The following CACNG1 variants were observed in gnomAD, a reference collection of about 807,000 sequenced individuals.
CACNG1 encodes voltage-dependent calcium channel gamma-1 subunit.
CACNG1 carries 21 observed loss-of-function variants against 22.0 expected under a neutral mutation model. The ratio of observed to expected loss-of-function variants is 0.95; its 90% CI spans 0.68 to 1.37. The LOEUF (loss-of-function observed/expected upper bound fraction) is 1.37, where lower values mean the gene tolerates loss of function less well. Among genes scored for constraint, CACNG1 ranks in the 40% most tolerant of loss-of-function variants. The probability of loss-of-function intolerance (pLI) is 0.00; values close to 1 mark genes in which losing one functional copy is unlikely to be tolerated. For missense variants in CACNG1, 291 were observed against 308.6 expected (o/e 0.94, Z 0.43); for synonymous variants, 127 against 129.2 (o/e 0.98, Z 0.12).
chr17:67,055,943 C>A lies in CACNG1; in HGVS notation c.443-102C>A, dbSNP rs575370439. 53 of 917,084 alleles carry A rather than the reference C, an allele frequency of 5.8e-5. No homozygotes were observed. Among genetic ancestry groups the A allele is most frequent in the African/African-American group, 9.9e-5 (6 of 60,598 alleles). 56.8% of individuals were successfully genotyped at this position (917,084 alleles called of 1,614,324 possible). On this transcript the variant is annotated intron_variant, in intron 3 of 3. Coordinates refer to ENST00000226021, the MANE Select transcript of CACNG1 (RefSeq NM_000727.4). The surrounding 1 kb of genome is among the most constrained non-coding windows in gnomAD (Gnocchi z 4.5). ...ACCTGCCTTGAGGCAGCTTTTCCCCCAAGGCAAGGTCACCGCCTCCTCCAT... is the reference window on the plus strand; with the variant it reads ...ACCTGCCTTGAGGCAGCTTTTCCCCAAAGGCAAGGTCACCGCCTCCTCCAT...
At position 67,044,711 on chromosome 17, in the gene CACNG1, G is replaced by T; in HGVS notation, c.51G>T (p.Leu17=). ...TCCGCGTGACCCTCTTCTGCATCCT[G>T]GCAGGCATCGTGCTGGCCATGACAG... ...LKVRVTLFCI[L]AGIVLAMTAV... Residue 17 remains leucine, a synonymous_variant, in exon 1 of 4, where the codon CTG becomes CTT. Transcript: ENST00000226021. The surrounding 1 kb of genome is among the most constrained non-coding windows in gnomAD (Gnocchi z 6.9). 1 of 1,611,572 alleles carries T rather than the reference G, an allele frequency of 6.2e-7. No homozygotes were observed. Among genetic ancestry groups the T allele is most frequent in the Non-Finnish European group, 8.5e-7 (1 of 1,179,994 alleles).
chr17:67,054,654 G>A lies in CACNG1; in HGVS notation c.305-449G>A, dbSNP rs371722146. Among the ~76,000 whole-genome samples the A allele has an allele frequency of 4.5e-4, 67 of 149,262 alleles. No individual in the cohort carries two copies. The highest frequency in any genetic ancestry group is 3.0e-3 in the East Asian group (15 of 5,044). On this transcript the variant is annotated intron_variant, in intron 2 of 3. Transcript: ENST00000226021. This position sits in a 1 kb window ranked among gnomAD's most constrained non-coding sequence, Gnocchi z 4.6. Reference sequence around the variant, plus strand: ...ACACACAACACAGATACACACACACGACACACACAAGACACAGACGCACAG... The same window carrying A: ...ACACACAACACAGATACACACACACAACACACACAAGACACAGACGCACAG...
chr17:67,048,888 T>C (rs74679789), intron 1 of CACNG1, among the ~76,000 whole-genome samples: 409 of 151,802 alleles, frequency 2.7e-3, no homozygotes, highest in African/African-American at 9.4e-3. Context: ...AACAGACAGA[T>C]AAAAAGAATA....
intron 1 of CACNG1, among the ~76,000 whole-genome samples, chr17:67,051,802 G>A (rs1474233039): frequency 6.6e-6 from 1 of 152,234 alleles, no homozygotes; most frequent in Non-Finnish European, 1.5e-5. Flanking sequence ...TGGGGATTTG[G>A]TGAGCCAAAT....
At chr17:67,050,433 G>C (rs996924556) in intron 1 of CACNG1, among the ~76,000 whole-genome samples, 1 of 152,252 alleles carries the variant, frequency 6.6e-6, no homozygotes, top group African/African-American at 2.4e-5. Context: ...ACTGTTGGGA[G>C]CTGATAGAAC....
chr17:67,045,819 G>A (rs748878828), intron 1 of CACNG1, among the ~76,000 whole-genome samples: 16 of 152,098 alleles, frequency 1.1e-4, no homozygotes, highest in African/African-American at 2.2e-4. Context: ...CACCATGCCC[G>A]ACCTCCACCT....
rs2035757537 is a variant in CACNG1, at chr17:67,055,741, A to C, written c.443-304A>C. On this transcript the variant is annotated intron_variant, in intron 3 of 3. Coordinates refer to ENST00000226021, the MANE Select transcript of CACNG1 (RefSeq NM_000727.4). The surrounding 1 kb of genome is among the most constrained non-coding windows in gnomAD (Gnocchi z 4.5). ...TTGTAGAGACGGAGGGCTCATCACT[A>C]TGTTGCCAGGCTGGTCTCAAACTCC... is the stretch of plus-strand genomic sequence containing the variant. Among the ~76,000 whole-genome samples the C allele has an allele frequency of 6.6e-6, 1 of 151,888 alleles. No individual in the cohort carries two copies. Among genetic ancestry groups the C allele is most frequent in the Non-Finnish European group, 1.5e-5 (1 of 67,960 alleles).
At chr17:67,052,428 A>G (rs533917629) in intron 1 of CACNG1, among the ~76,000 whole-genome samples, 1 of 152,248 alleles carries the variant, frequency 6.6e-6, no homozygotes, top group African/African-American at 2.4e-5. Flanking sequence ...GTGCAAGAAG[A>G]ATGATTTAGG....
At chr17:67,048,316 A>AC in intron 1 of CACNG1, among the ~76,000 whole-genome samples, 1 of 85,384 alleles carries the variant, frequency 1.2e-5, no homozygotes, top group East Asian at 6.8e-4. Flanking sequence ...ACCAAAAAAA[A>AC]AAAAAAAAAC....
In CACNG1 at chr17:67,055,722, A is replaced by G. The variant is rs1242659893; in HGVS notation, c.443-323A>G. Among the ~76,000 whole-genome samples, 1 of 151,858 alleles carries G rather than the reference A, an allele frequency of 6.6e-6. No individual in the cohort carries two copies. The highest frequency in any genetic ancestry group is 2.4e-5 in the African/African-American group (1 of 41,350). On this transcript the variant is annotated intron_variant, in intron 3 of 3. Coordinates refer to ENST00000226021, the MANE Select transcript of CACNG1 (RefSeq NM_000727.4). The surrounding 1 kb of genome is among the most constrained non-coding windows in gnomAD (Gnocchi z 4.5). ...TTCATTGTATTTTAATTTTTTGTAG[A>G]GACGGAGGGCTCATCACTATGTTGC...
intron 1 of CACNG1, among the ~76,000 whole-genome samples, chr17:67,051,583 C>T (rs2035728527): frequency 6.6e-6 from 1 of 152,172 alleles, no homozygotes; most frequent in Non-Finnish European, 1.5e-5. Flanking sequence ...GAGAAGGAAT[C>T]CTACCCACTG....
At chr17:67,049,054 C>T (rs575907564) in intron 1 of CACNG1, among the ~76,000 whole-genome samples, 9 of 152,220 alleles carry the variant, frequency 5.9e-5, no homozygotes, top group Non-Finnish European at 8.8e-5. Flanking sequence ...CGTTAAAAAT[C>T]GACAAATTTA....
chr17:67,044,775 A>T lies in CACNG1; in HGVS notation c.115A>T (p.Met39Leu). 1.9e-6 allele frequency: 3 copies of T among 1,613,350 alleles called. No homozygotes were observed. Among genetic ancestry groups the T allele is most frequent in the Non-Finnish European group, 2.5e-6 (3 of 1,180,012 alleles). ...TDHWAVLSPH[M>L]EHHNTTCEAA... ...CCACTGGGCTGTGCTGAGCCCCCACATGGAGCACCACAACACTACCTGCGA... is the reference window on the plus strand; with the variant it reads ...CCACTGGGCTGTGCTGAGCCCCCACTTGGAGCACCACAACACTACCTGCGA... The change falls in exon 1 of 4, where the codon ATG becomes TTG. Residue 39 changes from methionine to leucine, a missense_variant. Physicochemically the swap from Met to Leu is conservative, Grantham distance 15. Coordinates refer to ENST00000226021, the MANE Select transcript of CACNG1 (RefSeq NM_000727.4). This position sits in a 1 kb window ranked among gnomAD's most constrained non-coding sequence, Gnocchi z 6.9.
chr17:67,047,687 A>G (rs987227674), intron 1 of CACNG1, among the ~76,000 whole-genome samples: 1 of 152,234 alleles, frequency 6.6e-6, no homozygotes, highest in Non-Finnish European at 1.5e-5. Flanking sequence ...GATTAACATC[A>G]TGGCTGTCTG....
rs1036249185 is a variant in CACNG1 at position 67,055,299 on chromosome 17, C to T, written c.442+59C>T. The stretch of plus-strand genomic sequence containing the variant: ...GGGGGACCATGTCGCGGGGGATTCT[C>T]CGCTCCACCCTCATGCCCACCGCGA... On this transcript the variant is annotated intron_variant, in intron 3 of 3. Coordinates refer to ENST00000226021, the MANE Select transcript of CACNG1 (RefSeq NM_000727.4). The surrounding 1 kb of genome is among the most constrained non-coding windows in gnomAD (Gnocchi z 4.5). The T allele has an allele frequency of 1.3e-6, 2 of 1,560,224 alleles. No homozygotes were observed. The highest frequency in any genetic ancestry group is 8.7e-7 in the Non-Finnish European group (1 of 1,145,934).
At chr17:67,053,498 T>G (rs1214569755) in intron 1 of CACNG1, among the ~76,000 whole-genome samples, 1 of 152,254 alleles carries the variant, frequency 6.6e-6, no homozygotes, top group African/African-American at 2.4e-5. Context: ...TGGGAGGACC[T>G]GTCCTGTGTG....
chr17:67,051,283 C>T (rs2035726706), intron 1 of CACNG1, among the ~76,000 whole-genome samples: 1 of 152,082 alleles, frequency 6.6e-6, no homozygotes, highest in African/African-American at 2.4e-5. Context: ...CTGAACAGGA[C>T]CCTGCACCCT....
chr17:67,050,985 C>T (rs2035724667), intron 1 of CACNG1, among the ~76,000 whole-genome samples: 1 of 152,234 alleles, frequency 6.6e-6, no homozygotes, highest in Non-Finnish European at 1.5e-5. Flanking sequence ...GCATTGGAAT[C>T]TTTGCTGACT....
At position 67,056,550 on chromosome 17, in the gene CACNG1, T is replaced by C; in HGVS notation, c.*279T>C. ...GCAGGGGCCCAACTTCCCCTGGAGCTCAGAGGTGTCCCCACTGTACCAGCC... is the reference window on the plus strand; with the variant it reads ...GCAGGGGCCCAACTTCCCCTGGAGCCCAGAGGTGTCCCCACTGTACCAGCC... On this transcript the variant is annotated 3_prime_UTR_variant, in exon 4 of 4. Coordinates refer to ENST00000226021, the MANE Select transcript of CACNG1 (RefSeq NM_000727.4). This position sits in a 1 kb window ranked among gnomAD's most constrained non-coding sequence, Gnocchi z 4.3. 2.0e-6 allele frequency: 1 copy of C among 511,184 alleles called. No homozygotes were observed. The highest frequency in any genetic ancestry group is 3.4e-5 in the Admixed American group (1 of 29,780). 31.7% of individuals were successfully genotyped at this position (511,184 alleles called of 1,614,324 possible).
Sources: gnomAD v4.1 joint callset for allele counts (sites outside exome capture counted in the v4.1 genomes callset) on GRCh38, gnomAD v4.1.1 for gene constraint, Gnocchi (gnomAD v3.1) non-coding constraint, MANE v1.5 for transcripts, NCBI Gene and HGNC (gene_info 2026-07-23, HGNC 2026-07-21) for gene names.